The following RIPOR2 variants were observed in gnomAD, a reference collection of about 807,000 sequenced individuals.
The protein encoded by RIPOR2 is rho family-interacting cell polarization regulator 2.
Under a neutral mutation model 114.5 loss-of-function variants are expected in RIPOR2, and 39 were observed. The ratio of observed to expected loss-of-function variants is 0.34; its 90% CI spans 0.26 to 0.44. The LOEUF (loss-of-function observed/expected upper bound fraction) is 0.44. RIPOR2 is among the 20% of genes least tolerant of loss of function. The pLI is 1.00. For synonymous variants in RIPOR2, 445 were observed against 484.4 expected, an observed-to-expected ratio of 0.92 and a Z score of 1.07; for missense variants, 1,007 against 1,255.1, an observed-to-expected ratio of 0.80 and a Z score of 2.99.
intron 1 of RIPOR2, among the ~76,000 whole-genome samples, chr6:24,902,252 T>C (rs1374767491): frequency 6.6e-6 from 1 of 151,808 alleles, no homozygotes; most frequent in Admixed American, 6.6e-5. Flanking sequence ...TTCAACCTTG[T>C]TGCCCAGGCT....
At chr6:24,884,818 G>A (rs1333105518) in intron 1 of RIPOR2, among the ~76,000 whole-genome samples, 5 of 152,144 alleles carry the variant, frequency 3.3e-5, no homozygotes, top group Non-Finnish European at 7.3e-5. Context: ...TCTGTAGATG[G>A]CTGGATTTCT....
chr6:25,001,673 T>G (rs1201104354), intron 1 of RIPOR2, among the ~76,000 whole-genome samples: 3 of 144,628 alleles, frequency 2.1e-5, no homozygotes, highest in Non-Finnish European at 4.5e-5. Context: ...TTAGGCTTTG[T>G]GGGCCTTACT....
In RIPOR2 at chr6:25,003,623, G is replaced by T. The variant is rs537266193; in HGVS notation, c.76+38228C>A. ...TTTTCTATTTTTTGGTGGAGACGGG[G>T]TCTTACTATGTTGCCCAGTCTGGTC... On this transcript the variant is annotated intron_variant, in intron 1 of 13. Transcript: ENST00000510784. Among the ~76,000 whole-genome samples the T allele has an allele frequency of 9.7e-4, 147 of 151,964 alleles. 5 individuals carry two copies. In the South Asian group the frequency reaches 0.029, roughly 30 times the overall value.
Position 25,041,952 on chromosome 6 carries a change from T to G in RIPOR2, c.-26A>C, listed in dbSNP as rs568437378. The G allele has an allele frequency of 3.5e-4, 247 of 698,126 alleles. 1 individual carries two copies. The highest frequency in any genetic ancestry group is 6.0e-4 in the Non-Finnish European group (229 of 383,606). The allele number at this position is 698,126 out of a possible 1,614,324, so 43.2% of individuals were successfully genotyped here. On this transcript the variant is annotated 5_prime_UTR_variant, in exon 1 of 14. Transcript: ENST00000510784. ...GGTCCCAACAGAGCGGCCTAAAACCTGCTCATGGCAAAGGAACAAAAGGGT... is the reference window on the plus strand; with the variant it reads ...GGTCCCAACAGAGCGGCCTAAAACCGGCTCATGGCAAAGGAACAAAAGGGT...
chr6:24,839,812 T>C, intron 13 of RIPOR2: 1 of 1,345,966 alleles, frequency 7.4e-7, no homozygotes, highest in Non-Finnish European at 9.5e-7. Flanking sequence ...ATGTCTTCGG[T>C]GTTTTACAAA....
At chr6:24,945,318 G>A (rs73382339) in intron 1 of RIPOR2, among the ~76,000 whole-genome samples, 3,243 of 152,240 alleles carry the variant, frequency 0.021, 60 homozygotes, top group African/African-American at 0.05. Flanking sequence ...TACAAAAGCT[G>A]AGGAAGTGTA....
rs144438313 is a variant in RIPOR2, at chr6:24,998,539, C to T, written c.76+43312G>A. ...TCTGCAACTAGAATGATATTTCTAA[C>T]CCAGAAAATCTGATTCCTTTGTTTC... On this transcript the variant is annotated intron_variant, in intron 1 of 13. Coordinates refer to the RIPOR2 transcript ENST00000510784. Among the ~76,000 whole-genome samples the T allele has an allele frequency of 4.1e-4, 63 of 152,322 alleles. 2 individuals carry two copies. The East Asian group carries it at 0.012, about 28-fold the overall frequency.
Position 24,865,370 on chromosome 6 carries a change from T to C in RIPOR2, c.582A>G (p.Thr194=), listed in dbSNP as rs1224643689. The change falls in exon 7 of 22, where the codon ACA becomes ACG. Residue 194 remains threonine (T), a synonymous_variant. Transcript: ENST00000643898. ...CCCGGGCAGCTTTGCTGGCAGGGGA[T>C]GTTGCGAAGGCTTGCTTCATTTTGC... The part of the protein sequence containing the change: ...GASKMKQAFA[T]SPASKAARES... 3.1e-6 allele frequency: 5 copies of C among 1,613,680 alleles called. No individual in the cohort carries two copies. Among genetic ancestry groups the C allele is most frequent in the Non-Finnish European group, 4.2e-6 (5 of 1,179,702 alleles).
intron 12 of RIPOR2, among the ~76,000 whole-genome samples, chr6:24,847,202 C>T (rs1327230529): frequency 6.6e-6 from 1 of 152,234 alleles, no homozygotes; most frequent in Non-Finnish European, 1.5e-5. Flanking sequence ...ATCCACCCAC[C>T]TCAGCCTCCC....
chr6:24,847,413 C>T (rs1762422716), intron 12 of RIPOR2: 7 of 890,438 alleles, frequency 7.9e-6, no homozygotes, highest in Non-Finnish European at 1.2e-5. Context: ...GTGTCCCGCC[C>T]CAAGGACAGT....
At chr6:24,987,921 C>A (rs185116968) in intron 1 of RIPOR2, among the ~76,000 whole-genome samples, 131 of 152,206 alleles carry the variant, frequency 8.6e-4, no homozygotes, top group African/African-American at 3.0e-3. Flanking sequence ...CCTGTTTTTC[C>A]CTCATACTTA....
chr6:24,835,526 C>T (rs979208406), intron 15 of RIPOR2, among the ~76,000 whole-genome samples, 177 bp downstream of exon 15: 1 of 152,054 alleles, frequency 6.6e-6, no homozygotes, highest in African/African-American at 2.4e-5. Flanking sequence ...GATGAAAAAC[C>T]CAAGGTTGTA....
intron 1 of RIPOR2, among the ~76,000 whole-genome samples, chr6:24,963,294 A>G (rs1158369786): frequency 6.6e-6 from 1 of 152,138 alleles, no homozygotes; most frequent in African/African-American, 2.4e-5. Flanking sequence ...CGGCCTCCCA[A>G]AGTGCTGGGA....
chr6:25,008,004 C>T lies in RIPOR2; in HGVS notation c.76+33847G>A, dbSNP rs377726835. Among the ~76,000 whole-genome samples the T allele has an allele frequency of 1.1e-4, 17 of 152,204 alleles. No homozygotes were observed. The South Asian group carries it at 3.3e-3, about 30-fold the overall frequency. On this transcript the variant is annotated intron_variant, in intron 1 of 13. Transcript: ENST00000510784. Reference sequence around the variant, plus strand: ...CCTCCAATGAAAATGTCAAATGGAACTGTTTCTGCCTTATTTTTATTTTTT... The same window carrying T: ...CCTCCAATGAAAATGTCAAATGGAATTGTTTCTGCCTTATTTTTATTTTTT...
intron 15 of RIPOR2, among the ~76,000 whole-genome samples, chr6:24,833,290 C>T (rs1760824458): frequency 6.6e-6 from 1 of 152,084 alleles, no homozygotes; most frequent in African/African-American, 2.4e-5. Context: ...ATCACGAGGT[C>T]AGGAGATTGA....
intron 6 of RIPOR2, among the ~76,000 whole-genome samples, chr6:24,867,604 C>T (rs1386413264): frequency 6.6e-6 from 1 of 152,138 alleles, no homozygotes; most frequent in South Asian, 2.1e-4. Flanking sequence ...GGAGACAGTG[C>T]CCACAGGACC....
At chr6:24,837,192 A>T (rs753593364) in intron 14 of RIPOR2, among the ~76,000 whole-genome samples, 1 of 152,090 alleles carries the variant, frequency 6.6e-6, no homozygotes, top group Non-Finnish European at 1.5e-5. Context: ...GCTCGATCTC[A>T]ACTCACTGCA....
chr6:24,951,471 A>G (rs1339233549), intron 1 of RIPOR2, among the ~76,000 whole-genome samples: 3 of 152,210 alleles, frequency 2.0e-5, no homozygotes, highest in Non-Finnish European at 4.4e-5. Context: ...CAAAGATAAG[A>G]CTTCCGTAAA....
At chr6:24,828,343 C>A in intron 17 of RIPOR2, 48 bp from the exon 18 acceptor site, 1 of 1,171,398 alleles carries the variant, frequency 8.5e-7, no homozygotes, top group Non-Finnish European at 1.1e-6. Flanking sequence ...GATGACCATT[C>A]ATTCATTCAT....
Sources: allele counts gnomAD v4.1 joint callset (sites outside exome capture counted in the v4.1 genomes callset), GRCh38; gene constraint gnomAD v4.1.1; transcripts MANE v1.5; gene names NCBI Gene and HGNC (gene_info 2026-07-23, HGNC 2026-07-21).